Variants in NCOA1 observed in about 807,000 individuals in gnomAD.
The protein encoded by NCOA1 is Hin-2 protein.
In NCOA1, 35 loss-of-function variants were observed where a neutral mutation model predicts 150.9. The observed-to-expected ratio is 0.23, with a 90% confidence interval of 0.18 to 0.31. NCOA1 has a LOEUF of 0.31. Among genes scored for constraint, NCOA1 ranks in the 10% least tolerant of loss-of-function variants. The probability of loss-of-function intolerance (pLI) is 1.00; values close to 1 mark genes in which losing one functional copy is unlikely to be tolerated. For missense variants in NCOA1, 1,491 were observed against 1,749.3 expected (o/e 0.85, Z 2.63); for synonymous variants, 590 against 630.0 (o/e 0.94, Z 0.95).
intron 1 of NCOA1, among the ~76,000 whole-genome samples, chr2:24,537,659 A>G (rs1665217082): frequency 6.6e-6 from 1 of 152,092 alleles, no homozygotes; most frequent in Non-Finnish European, 1.5e-5. Flanking sequence ...TAGATATCTG[A>G]TGAACAACGC....
chr2:24,539,230 C>T (rs1665290384), intron 1 of NCOA1, among the ~76,000 whole-genome samples: 1 of 152,126 alleles, frequency 6.6e-6, no homozygotes, highest in Non-Finnish European at 1.5e-5. Flanking sequence ...TCCCAAAGTG[C>T]TGGGATTACA....
intron 22 of NCOA1, chr2:24,767,965 A>T: frequency 2.1e-6 from 2 of 963,738 alleles, no homozygotes; most frequent in Non-Finnish European, 3.2e-6. Flanking sequence ...ACTCACTTTC[A>T]GTATTGATGG....
intron 1 of NCOA1, among the ~76,000 whole-genome samples, chr2:24,548,937 C>T (rs1665717546): frequency 6.6e-6 from 1 of 152,168 alleles, no homozygotes; most frequent in Non-Finnish European, 1.5e-5. Flanking sequence ...GTTGGTGGAT[C>T]TACCATTCTG....
chr2:24,521,368 G>A (rs541072079), intron 1 of NCOA1, among the ~76,000 whole-genome samples: 1 of 152,220 alleles, frequency 6.6e-6, no homozygotes, highest in African/African-American at 2.4e-5. Flanking sequence ...TATAACCTTT[G>A]ACTAACATCT....
At chr2:24,763,305 C>T (rs1317773424) in intron 22 of NCOA1, among the ~76,000 whole-genome samples, 3 of 151,670 alleles carry the variant, frequency 2.0e-5, no homozygotes, top group Non-Finnish European at 4.4e-5. Context: ...TTTGGGAGGC[C>T]GAGGCGGGCG....
chr2:24,569,597 T>A, intron 2 of NCOA1, among the ~76,000 whole-genome samples: 1 of 132,206 alleles, frequency 7.6e-6, no homozygotes, highest in South Asian at 2.4e-4. Context: ...TTGGGCTAGG[T>A]ACGGTAGCTC....
chr2:24,734,894 T>C (rs767562142), intron 17 of NCOA1, among the ~76,000 whole-genome samples: 2 of 152,174 alleles, frequency 1.3e-5, no homozygotes, highest in Non-Finnish European at 1.5e-5. Context: ...TTCTGCATAA[T>C]AGCTCTACAT....
At chr2:24,554,515 T>G (rs1558789782) in intron 1 of NCOA1, 5 of 151,992 alleles carry the variant, frequency 3.3e-5, no homozygotes, top group Admixed American at 2.6e-4. Flanking sequence ...AGGAGGAAAT[T>G]ACGATAGAAA....
Position 24,644,085 on chromosome 2 carries a change from T to C in NCOA1, c.-55T>C, listed in dbSNP as rs917145863. 1.3e-5 allele frequency: 2 copies of C among 152,214 alleles called. No individual in the cohort carries two copies. Among genetic ancestry groups the C allele is most frequent in the African/African-American group, 4.8e-5 (2 of 41,460 alleles). 9.4% of individuals were successfully genotyped at this position (152,214 alleles called of 1,614,324 possible). ...CTGGAACTCAAGATTTGACCATATC[T>C]GTTTTGAGGATTCATTATGAACAAA... On this transcript the variant is annotated 5_prime_UTR_variant, in exon 4 of 23. Coordinates refer to ENST00000348332, the MANE Select transcript of NCOA1 (RefSeq NM_003743.5).
intron 1 of NCOA1, chr2:24,555,984 G>T (rs1411436836): frequency 6.6e-6 from 1 of 151,992 alleles, no homozygotes; most frequent in Non-Finnish European, 1.5e-5. Context: ...GGCCTTTTTT[G>T]TTTATTTTTT....
chr2:24,617,393 C>G (rs1051172613), intron 3 of NCOA1, among the ~76,000 whole-genome samples: 3 of 152,116 alleles, frequency 2.0e-5, no homozygotes, highest in African/African-American at 4.8e-5. Context: ...TCCATTTTCT[C>G]TCTTTTTTAC....
Position 24,707,313 on chromosome 2 carries a change from A to C in NCOA1, c.1843A>C (p.Asn615His), listed in dbSNP as rs200997005. Residue 615 changes from asparagine (N) to histidine (H), a missense_variant, in exon 13 of 23, where the codon AAC (asparagine) becomes CAC (histidine). Asn to His is a moderately conservative substitution (Grantham distance 68). Coordinates refer to ENST00000348332, the MANE Select transcript of NCOA1 (RefSeq NM_003743.5). ...ACCTCTGGATTCAGGGCTTCTGCAT[A>C]ACAATGACAGACTTTCAGATGGAGA... Reference protein sequence around the residue: ...GKPLDSGLLHNNDRLSDGDSK... With the variant: ...GKPLDSGLLHHNDRLSDGDSK... The C allele has an allele frequency of 3.7e-6, 6 of 1,614,118 alleles. No individual in the cohort carries two copies. The highest frequency in any genetic ancestry group is 1.3e-5 in the African/African-American group (1 of 74,938).
intron 10 of NCOA1, among the ~76,000 whole-genome samples, chr2:24,694,810 ATTTAAATTTTTTTAAAATTTT>A (rs1672825108): frequency 6.6e-6 from 1 of 152,024 alleles, no homozygotes; most frequent in Non-Finnish European, 1.5e-5. Context: ...ACAAAAATTT[ATTTAAATTTTTTTAAAATTTT>A]TTTTTAATTA....
chr2:24,716,517 A>C (rs1674055039), intron 14 of NCOA1, among the ~76,000 whole-genome samples: 1 of 152,080 alleles, frequency 6.6e-6, no homozygotes, highest in African/African-American at 2.4e-5. Context: ...ATGAACCTCA[A>C]CCTCTCTCCT....
intron 19 of NCOA1, among the ~76,000 whole-genome samples, chr2:24,746,824 A>G (rs1390650045): frequency 6.6e-6 from 1 of 152,232 alleles, no homozygotes; most frequent in Non-Finnish European, 1.5e-5. Flanking sequence ...TAGATTGTAC[A>G]ATACCAAGAG....
intron 1 of NCOA1, among the ~76,000 whole-genome samples, chr2:24,492,477 C>G (rs72803256): frequency 6.6e-6 from 1 of 152,112 alleles, no homozygotes; most frequent in East Asian, 1.9e-4. Flanking sequence ...ACTGCCCAGT[C>G]TGACGACGTT....
intron 1 of NCOA1, among the ~76,000 whole-genome samples, chr2:24,517,390 C>A (rs1312275089): frequency 6.6e-6 from 1 of 151,974 alleles, no homozygotes; most frequent in Non-Finnish European, 1.5e-5. Context: ...TGAGCAAGTG[C>A]ATTTCATTTG....
At chr2:24,756,394 A>G (rs1374564756) in intron 20 of NCOA1, among the ~76,000 whole-genome samples, 1 of 152,148 alleles carries the variant, frequency 6.6e-6, no homozygotes. Context: ...TAGGCATATA[A>G]TTTTCTGTGG....
chr2:24,743,763 T>G (rs758838313), intron 19 of NCOA1, among the ~76,000 whole-genome samples: 3 of 152,182 alleles, frequency 2.0e-5, no homozygotes, highest in Non-Finnish European at 2.9e-5. Flanking sequence ...AAATGGGTTT[T>G]TAGCAGCATT....
Sources: gnomAD v4.1 joint callset for allele counts (sites outside exome capture counted in the v4.1 genomes callset) on GRCh38, gnomAD v4.1.1 for gene constraint, MANE v1.5 for transcripts, NCBI Gene and HGNC (gene_info 2026-07-23, HGNC 2026-07-21) for gene names.